PARN: variants seen among roughly 807,000 people sequenced by gnomAD.
PARN encodes poly(A)-specific ribonuclease PARN.
In PARN, 71 loss-of-function variants were observed where a neutral mutation model predicts 102.8. The ratio of observed to expected loss-of-function variants is 0.69; its 90% confidence interval spans 0.57 to 0.84. The LOEUF is 0.84. Ranked by LOEUF, PARN falls within the 40% of genes least tolerant of loss-of-function variation. The pLI, the probability that PARN is intolerant of heterozygous loss-of-function variation, is 0.00. For synonymous variants in PARN, 261 were observed against 252.9 expected (o/e 1.03, Z -0.30); for missense variants, 782 against 760.9 (o/e 1.03, Z -0.33).
At chr16:14,538,821 G>A (rs191306772) in intron 21 of PARN, among the ~76,000 whole-genome samples, 11 of 152,146 alleles carry the variant, frequency 7.2e-5, no homozygotes, top group Middle Eastern at 3.4e-3. Flanking sequence ...ACTCCCCATC[G>A]CTCGCATTAC....
intron 22 of PARN, among the ~76,000 whole-genome samples, chr16:14,454,264 T>G (rs1961587690): frequency 2.0e-5 from 3 of 152,178 alleles, no homozygotes; most frequent in African/African-American, 7.2e-5. Flanking sequence ...GCGGATCGCT[T>G]GAGCTCAGGA....
intron 21 of PARN, among the ~76,000 whole-genome samples, chr16:14,531,310 T>C (rs1318267872): frequency 2.0e-5 from 3 of 150,844 alleles, no homozygotes; most frequent in Non-Finnish European, 4.4e-5. Flanking sequence ...TGCAGTGAGG[T>C]GAGATCACAC....
intron 21 of PARN, among the ~76,000 whole-genome samples, chr16:14,503,113 G>A (rs1358066730): frequency 6.6e-6 from 1 of 152,088 alleles, no homozygotes; most frequent in East Asian, 1.9e-4. Context: ...CGCTGCTTTG[G>A]TGTTGTTTGA....
chr16:14,501,292 AACAAT>A (rs1480156088), intron 21 of PARN, among the ~76,000 whole-genome samples: 1 of 132,194 alleles, frequency 7.6e-6, no homozygotes, highest in Non-Finnish European at 1.6e-5. Flanking sequence ...CAAACAAAAA[AACAAT>A]AATAATAATA....
At position 14,563,520 on chromosome 16, in the gene PARN, G is replaced by GTATATA. The variant is rs747128076; in HGVS notation, c.1263-7812_1263-7811insTATATA. 6.7e-3 allele frequency among the ~76,000 whole-genome samples: 502 copies of GTATATA among 74,982 alleles called. 3 individuals are homozygous for GTATATA. Among genetic ancestry groups the GTATATA allele is most frequent in the African/African-American group, 0.024 (458 of 19,440 alleles). 49.2% of individuals were successfully genotyped at this position (74,982 alleles called of 152,430 possible). Reference sequence around the variant, plus strand: ...TGTGTGTGTGTGTGTGTGTGTGTGTGTGTATATAATTCTTTTAAGTTCTGG... The same window carrying GTATATA: ...TGTGTGTGTGTGTGTGTGTGTGTGTGTATATATGTATATAATTCTTTTAAGTTCTGG... On this transcript the variant is annotated intron_variant, in intron 18 of 23. Coordinates refer to ENST00000437198, the MANE Select transcript of PARN (RefSeq NM_002582.4).
intron 5 of PARN, among the ~76,000 whole-genome samples, chr16:14,626,493 T>C (rs540105538): frequency 1.3e-5 from 2 of 152,244 alleles, no homozygotes; most frequent in South Asian, 4.1e-4. Flanking sequence ...AACTTGGGGG[T>C]AAAATAATAA....
rs145124789 is a variant in PARN, at chr16:14,580,476, C to T, written c.1262+398G>A. ...CTAATTTTTGTATTTTTAATAGAGA[C>T]GAGTTTCATCATGTTGGCCAGGCTG... On this transcript the variant is annotated intron_variant, in intron 18 of 23. Transcript: ENST00000437198. Among the ~76,000 whole-genome samples the T allele has an allele frequency of 4.0e-5, 6 of 151,746 alleles. No homozygotes were observed. In the East Asian group the frequency reaches 7.8e-4, roughly 20 times the overall value.
intron 3 of PARN, among the ~76,000 whole-genome samples, chr16:14,627,946 T>G (rs1972780415): frequency 6.6e-6 from 1 of 151,972 alleles, no homozygotes; most frequent in South Asian, 2.1e-4. Context: ...AGTTCAAGGC[T>G]CCACAGAGCA....
chr16:14,463,837 TTG>T (rs1962146162), intron 22 of PARN, among the ~76,000 whole-genome samples: 1 of 105,798 alleles, frequency 9.5e-6, no homozygotes, highest in African/African-American at 3.4e-5. Context: ...ACTTTTTTTT[TTG>T]GGGGGGGGGG....
At chr16:14,526,006 C>T (rs889861858) in intron 21 of PARN, among the ~76,000 whole-genome samples, 3 of 151,520 alleles carry the variant, frequency 2.0e-5, no homozygotes, top group East Asian at 3.9e-4. Context: ...ATTTTAGAGG[C>T]GGGGTTTCAC....
intron 12 of PARN, among the ~76,000 whole-genome samples, chr16:14,599,037 CTTTTT>C (rs71150194): frequency 6.1e-5 from 5 of 81,458 alleles, no homozygotes; most frequent in African/African-American, 9.8e-5. Context: ...TTCTCCTCTT[CTTTTT>C]TTTTTTTTTT....
In PARN at chr16:14,617,124, C is replaced by G. The variant is rs1014911941; in HGVS notation, c.388+466G>C. Among the ~76,000 whole-genome samples the G allele has an allele frequency of 2.0e-5, 3 of 150,858 alleles. No individual in the cohort carries two copies. In the East Asian group the frequency reaches 5.8e-4, roughly 29 times the overall value. The stretch of plus-strand genomic sequence containing the variant: ...AGTAGGCCAGGCGTGGTGGCTCACA[C>G]TTGTAATCCCAGCATTTTTGGAGGC... On this transcript the variant is annotated intron_variant, in intron 6 of 23. Transcript: ENST00000437198.
chr16:14,457,946 G>A (rs918741349), intron 22 of PARN, among the ~76,000 whole-genome samples: 4 of 151,610 alleles, frequency 2.6e-5, no homozygotes, highest in African/African-American at 9.7e-5. Context: ...GTGTGTGTGT[G>A]TGAGAGAGAG....
At chr16:14,519,894 G>A (rs1056698020) in intron 21 of PARN, among the ~76,000 whole-genome samples, 2 of 152,062 alleles carry the variant, frequency 1.3e-5, no homozygotes, top group African/African-American at 4.8e-5. Flanking sequence ...CCATATTGCA[G>A]TCTCTAATGA....
intron 13 of PARN, among the ~76,000 whole-genome samples, chr16:14,590,005 CT>C (rs1214733163): frequency 6.6e-6 from 1 of 151,884 alleles, no homozygotes; most frequent in African/African-American, 2.4e-5. Context: ...AATCCCAGTA[CT>C]TTGGGAGGCA....
intron 18 of PARN, among the ~76,000 whole-genome samples, chr16:14,562,787 AAC>A (rs1420537341): frequency 1.3e-5 from 2 of 152,238 alleles, no homozygotes; most frequent in Non-Finnish European, 2.9e-5. Flanking sequence ...TTGAGGGAGT[AAC>A]ACACACAATA....
chr16:14,445,312 A>C (rs551683792), intron 23 of PARN, among the ~76,000 whole-genome samples: 1 of 152,292 alleles, frequency 6.6e-6, no homozygotes, highest in South Asian at 2.1e-4. Flanking sequence ...GATTTCATTA[A>C]TATCCATGAG....
intron 22 of PARN, among the ~76,000 whole-genome samples, chr16:14,457,608 G>A (rs1452562762): frequency 1.3e-5 from 2 of 151,774 alleles, no homozygotes; most frequent in Non-Finnish European, 2.9e-5. Flanking sequence ...GACCAGCCTG[G>A]CCAACATGGT....
Position 14,440,220 on chromosome 16 carries a change from C to G in PARN, c.1865-3448G>C, listed in dbSNP as rs146621833. On this transcript the variant is annotated intron_variant, in intron 23 of 23. Transcript: ENST00000437198. ...AAAGATATTTCACCAAATAAGAAAT[C>G]TGGATGGCAAAAAATCACAGGAAAA... Among the ~76,000 whole-genome samples the G allele has an allele frequency of 3.9e-5, 6 of 152,214 alleles. No individual in the cohort carries two copies. The East Asian group carries it at 1.2e-3, about 29-fold the overall frequency.
Sources: allele counts gnomAD v4.1 joint callset (sites outside exome capture counted in the v4.1 genomes callset), GRCh38; gene constraint gnomAD v4.1.1; transcripts MANE v1.5; gene names NCBI Gene and HGNC (gene_info 2026-07-23, HGNC 2026-07-21).